The following ITPR2 variants were observed in gnomAD, a reference collection of about 807,000 sequenced individuals.
The protein encoded by ITPR2 is inositol 1,4,5-trisphosphate receptor type 2, also known as inositol 1,4,5-trisphosphate-gated calcium channel ITPR2.
ITPR2 carries 207 observed loss-of-function variants against 317.1 expected under a neutral mutation model. The observed-to-expected ratio is 0.65, with a 90% CI of 0.58 to 0.73. The LOEUF (loss-of-function observed/expected upper bound fraction) is 0.73, where lower values mean the gene tolerates loss of function less well. ITPR2 is among the 30% of genes least tolerant of loss of function. The pLI is 0.00. For missense variants in ITPR2, 2,613 were observed against 3,284.0 expected (o/e 0.80, Z 4.99); for synonymous variants, 1,156 against 1,149.1 (o/e 1.01, Z -0.12).
chr12:26,641,680 A>G (rs1946991993), intron 21 of ITPR2, among the ~76,000 whole-genome samples: 1 of 152,212 alleles, frequency 6.6e-6, no homozygotes, highest in Non-Finnish European at 1.5e-5. Context: ...TAAGTAATAG[A>G]TACCTTTACA....
At position 26,757,128 on chromosome 12, in the gene ITPR2, T is replaced by C. The variant is rs577867289; in HGVS notation, c.164-31363A>G. On this transcript the variant is annotated intron_variant, in intron 2 of 56. Coordinates refer to ENST00000381340, the MANE Select transcript of ITPR2 (RefSeq NM_002223.4). ...TGAATGATCCACCTCTTGTTTAGCA[T>C]ATTATCAAGAAATAACCATAAAAAT... Among the ~76,000 whole-genome samples the C allele has an allele frequency of 1.2e-4, 18 of 152,244 alleles. No individual in the cohort carries two copies. In the South Asian group the frequency reaches 3.3e-3, roughly 28 times the overall value.
At chr12:26,341,667 TACTC>T (rs1352908884) in intron 55 of ITPR2, among the ~76,000 whole-genome samples, 3 of 152,262 alleles carry the variant, frequency 2.0e-5, no homozygotes, top group Non-Finnish European at 4.4e-5. Context: ...AACAGTAACT[TACTC>T]TAAAGTGCAG....
intron 37 of ITPR2, among the ~76,000 whole-genome samples, chr12:26,526,768 A>T (rs1312904687): frequency 6.6e-6 from 1 of 152,210 alleles, no homozygotes; most frequent in Non-Finnish European, 1.5e-5. Flanking sequence ...GCAGATAGGC[A>T]GCTGGGTGTA....
chr12:26,790,444 G>A (rs924546954), intron 1 of ITPR2, among the ~76,000 whole-genome samples: 1 of 152,192 alleles, frequency 6.6e-6, no homozygotes, highest in African/African-American at 2.4e-5. Flanking sequence ...TTGTTAAGAG[G>A]TAGGAAACTA....
intron 44 of ITPR2, among the ~76,000 whole-genome samples, chr12:26,476,110 C>T (rs1942411431): frequency 6.6e-6 from 1 of 152,188 alleles, no homozygotes; most frequent in Non-Finnish European, 1.5e-5. Flanking sequence ...AGACATTATG[C>T]TCTCATTAAA....
chr12:26,486,728 A>C (rs2136850141), intron 40 of ITPR2: 1 of 551,626 alleles, frequency 1.8e-6, no homozygotes, highest in African/African-American at 1.9e-5. Flanking sequence ...AATACCAAGA[A>C]TCTTTCATTG....
At chr12:26,567,985 T>TATA (rs1945037449) in intron 34 of ITPR2, among the ~76,000 whole-genome samples, 18 of 13,936 alleles carry the variant, frequency 1.3e-3, no homozygotes, top group South Asian at 5.1e-3. Context: ...ATATTATATA[T>TATA]ATATATATAT....
intron 45 of ITPR2, among the ~76,000 whole-genome samples, chr12:26,458,902 G>C (rs1053910945): frequency 6.6e-6 from 1 of 152,116 alleles, no homozygotes; most frequent in African/African-American, 2.4e-5. Context: ...CACAGCTCCC[G>C]ACCCCACTGA....
chr12:26,610,462 T>C (rs961763920), intron 26 of ITPR2, among the ~76,000 whole-genome samples: 1 of 150,630 alleles, frequency 6.6e-6, no homozygotes, highest in Non-Finnish European at 1.5e-5. Flanking sequence ...AGAAAAACTA[T>C]CAGATAGGGA....
intron 20 of ITPR2, 27 bp from the exon 21 acceptor site, chr12:26,654,153 G>A (rs761690937): frequency 3.9e-6 from 6 of 1,521,822 alleles, no homozygotes; most frequent in East Asian, 4.8e-5. Context: ...AAGCGGGGAG[G>A]GGGAGGGTGA....
chr12:26,681,326 T>TA (rs1948025305), intron 13 of ITPR2, among the ~76,000 whole-genome samples: 1 of 152,234 alleles, frequency 6.6e-6, no homozygotes. Flanking sequence ...CAATAATCGT[T>TA]AGCTGTCAAT....
chr12:26,366,092 G>T (rs1021515250), intron 55 of ITPR2, among the ~76,000 whole-genome samples: 2 of 151,862 alleles, frequency 1.3e-5, no homozygotes, highest in Admixed American at 1.3e-4. Flanking sequence ...TTCCTACATC[G>T]GTTGGTCTTT....
At chr12:26,346,447 A>C (rs981516017) in intron 55 of ITPR2, among the ~76,000 whole-genome samples, 1 of 152,124 alleles carries the variant, frequency 6.6e-6, no homozygotes, top group Non-Finnish European at 1.5e-5. Flanking sequence ...TCATGGTGAA[A>C]CCCTGCCTCT....
At chr12:26,742,685 G>A (rs1403298567) in intron 2 of ITPR2, among the ~76,000 whole-genome samples, 4 of 151,904 alleles carry the variant, frequency 2.6e-5, no homozygotes, top group African/African-American at 9.7e-5. Flanking sequence ...GTGGTGGCGG[G>A]TGCCTGTAAT....
At position 26,443,581 on chromosome 12, in the gene ITPR2, C is replaced by T. The variant is rs1941539179; in HGVS notation, c.6412G>A (p.Ala2138Thr). ...PGSDPDEGDE[A>T]LKYYANHTAQ... The stretch of plus-strand genomic sequence containing the variant: ...GTGTGGTTGGCATAATACTTTAAGG[C>T]TTCATCTCCTTCATCTGGATCCGAT... The change falls in exon 46 of 57, where the codon GCC (alanine) becomes ACC (threonine). Residue 2138 changes from alanine (A) to threonine (T), a missense_variant. Ala to Thr is a moderately conservative substitution (Grantham distance 58). Transcript: ENST00000381340. 6.2e-7 allele frequency: 1 copy of T among 1,612,272 alleles called. No homozygotes were observed. The highest frequency in any genetic ancestry group is 1.3e-5 in the African/African-American group (1 of 74,840).
At chr12:26,576,138 C>A (rs559451440) in intron 34 of ITPR2, among the ~76,000 whole-genome samples, 1 of 152,244 alleles carries the variant, frequency 6.6e-6, no homozygotes, top group East Asian at 1.9e-4. Context: ...TTGATTTTAT[C>A]TTTTATTGGT....
At chr12:26,655,112 C>T (rs112975005) in intron 20 of ITPR2, among the ~76,000 whole-genome samples, 410 of 152,212 alleles carry the variant, frequency 2.7e-3, no homozygotes, top group African/African-American at 9.5e-3. Flanking sequence ...GAAAGTATTT[C>T]AATTCAGTTT....
chr12:26,820,487 T>C (rs1333743076), intron 1 of ITPR2, among the ~76,000 whole-genome samples: 3 of 152,088 alleles, frequency 2.0e-5, no homozygotes, highest in Non-Finnish European at 2.9e-5. Context: ...ATGGATACAA[T>C]AGATAATAAA....
At chr12:26,725,794 G>GT in intron 2 of ITPR2, 29 bp from the exon 3 acceptor site, 1 of 1,400,570 alleles carries the variant, frequency 7.1e-7, no homozygotes, top group Non-Finnish European at 1.0e-6. Context: ...CAAAAACACT[G>GT]TAACTAAGGC....
Sources: gnomAD v4.1 joint callset for allele counts (sites outside exome capture counted in the v4.1 genomes callset) on GRCh38, gnomAD v4.1.1 for gene constraint, MANE v1.5 for transcripts, NCBI Gene and HGNC (gene_info 2026-07-23, HGNC 2026-07-21) for gene names.